Variants in MEGF11 observed in about 807,000 individuals in gnomAD.
The protein encoded by MEGF11 is multiple EGF like domains 11.
A neutral mutation model predicts 146.6 loss-of-function variants in MEGF11; 126 were observed. That is an observed-to-expected ratio of 0.86 (90% CI 0.74 to 1.00). MEGF11 has a LOEUF of 1.00. MEGF11 is among the 50% of genes least tolerant of loss of function. MEGF11 has a pLI of 0.00. For missense variants in MEGF11, 1,509 were observed against 1,521.2 expected, an observed-to-expected ratio of 0.99 and a Z score of 0.13; for synonymous variants, 532 against 583.4, an observed-to-expected ratio of 0.91 and a Z score of 1.27.
rs1489652806 is a variant in MEGF11, at chr15:65,922,301, AC to A, written c.1957+36del. The A allele has an allele frequency of 2.5e-6, 4 of 1,596,522 alleles. No homozygotes were observed. In the South Asian group the frequency reaches 4.6e-5, roughly 18 times the overall value. ...TGCCACTTTCCTCCCAGAACCTCTC[AC>A]CTCCCCACCCAGTACCTTCCCACTG... is the stretch of plus-strand genomic sequence containing the variant. On this transcript the variant is annotated intron_variant, in intron 15 of 25. Coordinates refer to ENST00000395614, the MANE Select transcript of MEGF11 (RefSeq NM_001385028.1).
intron 1 of MEGF11, among the ~76,000 whole-genome samples, chr15:66,179,695 T>C (rs1005033965): frequency 6.6e-6 from 1 of 152,120 alleles, no homozygotes; most frequent in African/African-American, 2.4e-5. Context: ...CAACCGGGTT[T>C]CAGGTTCCCA....
At chr15:66,106,958 G>A (rs764663667) in intron 4 of MEGF11, among the ~76,000 whole-genome samples, 1 of 152,130 alleles carries the variant, frequency 6.6e-6, no homozygotes, top group Non-Finnish European at 1.5e-5. Flanking sequence ...AGCAACTACA[G>A]GGTTAACAGC....
At position 65,965,321 on chromosome 15, in the gene MEGF11, T is replaced by G. The variant is rs926765122; in HGVS notation, c.900-201A>C. 8.0e-6 allele frequency: 4 copies of G among 501,032 alleles called. No homozygotes were observed. The East Asian group carries it at 1.3e-4, about 16-fold the overall frequency. The allele number at this position is 501,032 out of a possible 1,614,324, so 31.0% of individuals were successfully genotyped here. On this transcript the variant is annotated intron_variant, in intron 8 of 25. Coordinates refer to ENST00000395614, the MANE Select transcript of MEGF11 (RefSeq NM_001385028.1). ...TCGCCCCAGTCATTTCTGCCTTTCA[T>G]GCCAGGTCGGCTCAGTCCCCCCAGC...
At chr15:66,233,079 C>T (rs1205602475) in intron 1 of MEGF11, among the ~76,000 whole-genome samples, 1 of 152,186 alleles carries the variant, frequency 6.6e-6, no homozygotes, top group Non-Finnish European at 1.5e-5. Flanking sequence ...TTTTACACAG[C>T]ACTGTTACCC....
At chr15:66,121,119 T>G (rs1452532719) in intron 3 of MEGF11, among the ~76,000 whole-genome samples, 1 of 152,194 alleles carries the variant, frequency 6.6e-6, no homozygotes, top group African/African-American at 2.4e-5. Context: ...AAATAATTCA[T>G]GTTCTAGGAA....
intron 5 of MEGF11, among the ~76,000 whole-genome samples, chr15:66,015,246 T>G (rs1242848237): frequency 6.6e-6 from 1 of 152,216 alleles, no homozygotes; most frequent in Non-Finnish European, 1.5e-5. Flanking sequence ...GCAGTGGTCA[T>G]CAGCCAACTG....
At chr15:66,113,831 A>C (rs1424981318) in intron 4 of MEGF11, among the ~76,000 whole-genome samples, 2 of 151,948 alleles carry the variant, frequency 1.3e-5, no homozygotes, top group African/African-American at 4.8e-5. Flanking sequence ...CAGTGAGCCG[A>C]GATTGCACCA....
Position 65,909,775 on chromosome 15 carries a change from G to T in MEGF11, c.2861C>A (p.Ala954Glu), listed in dbSNP as rs1366521097. ...CACATAGCTGTAGGGGGTCCAGCCT[G>T]CTGTGTCTCTGTCAAGGGACTTGTT... ...LSNKSLDRDT[A>E]GWTPYSYVNV... The change falls in exon 22 of 26, where the codon GCA becomes GAA. Residue 954 changes from alanine (A) to glutamate (E), a missense_variant. Coordinates refer to ENST00000395614, the MANE Select transcript of MEGF11 (RefSeq NM_001385028.1). The T allele has an allele frequency of 1.9e-6, 3 of 1,585,464 alleles. No individual in the cohort carries two copies. In the South Asian group the frequency reaches 3.4e-5, roughly 18 times the overall value.
intron 5 of MEGF11, among the ~76,000 whole-genome samples, chr15:66,078,862 A>T (rs1327760667): frequency 3.3e-5 from 5 of 151,916 alleles, no homozygotes; most frequent in African/African-American, 1.2e-4. Context: ...TTATTTATTC[A>T]TTTTGTTCTC....
chr15:66,105,191 C>A (rs1046554469), intron 4 of MEGF11, among the ~76,000 whole-genome samples: 18 of 152,154 alleles, frequency 1.2e-4, no homozygotes, highest in African/African-American at 4.3e-4. Flanking sequence ...GCCACTCCTA[C>A]AAAGCCACAG....
rs566741567 is a variant in MEGF11 at position 66,170,966 on chromosome 15, C to T, written c.-8-42555G>A. ...GCCCCGGGGGACCACCAAAGGTGGACTTGATGGATGTGACGCCATGTCCTC... is the reference window on the plus strand; with the variant it reads ...GCCCCGGGGGACCACCAAAGGTGGATTTGATGGATGTGACGCCATGTCCTC... On this transcript the variant is annotated intron_variant, in intron 1 of 25. Transcript: ENST00000395614. Among the ~76,000 whole-genome samples the T allele has an allele frequency of 2.2e-3, 334 of 152,344 alleles. 1 individual carries two copies. The highest frequency in any genetic ancestry group is 6.8e-3 in the Middle Eastern group (2 of 294).
chr15:66,214,780 C>A (rs1567286664), intron 1 of MEGF11, among the ~76,000 whole-genome samples: 1 of 152,118 alleles, frequency 6.6e-6, no homozygotes, highest in African/African-American at 2.4e-5. Flanking sequence ...GGCACCCTTG[C>A]CACGCACAGG....
intron 15 of MEGF11, among the ~76,000 whole-genome samples, chr15:65,918,724 T>C (rs1280864046): frequency 6.6e-6 from 1 of 152,228 alleles, no homozygotes; most frequent in Non-Finnish European, 1.5e-5. Flanking sequence ...TTTGAGTCAC[T>C]TGGAGGATTT....
At chr15:65,912,048 G>C in intron 21 of MEGF11, 34 bp downstream of exon 21, 1 of 1,156,224 alleles carries the variant, frequency 8.6e-7, no homozygotes, top group Non-Finnish European at 1.1e-6. Flanking sequence ...TGAGAGGGCA[G>C]TGAGTGGGGG....
chr15:66,033,773 GATTT>G lies in MEGF11; in HGVS notation c.395-51289_395-51286del, dbSNP rs371359594. Reference sequence around the variant, plus strand: ...AATATAATTTTCCCTGTTGGTTTTGGATTTATTTATTTTTATTTTTTATTTTTAT... The same window carrying G: ...AATATAATTTTCCCTGTTGGTTTTGGATTTATTTTTATTTTTTATTTTTAT... On this transcript the variant is annotated intron_variant, in intron 5 of 25. Coordinates refer to ENST00000395614, the MANE Select transcript of MEGF11 (RefSeq NM_001385028.1). 3.7e-3 allele frequency among the ~76,000 whole-genome samples: 344 copies of G among 94,014 alleles called. 1 individual carries two copies. The highest frequency in any genetic ancestry group is 9.9e-3 in the African/African-American group (309 of 31,092). 61.7% of individuals were successfully genotyped at this position (94,014 alleles called of 152,430 possible). A position where few individuals can be genotyped will look rare whatever the true frequency, so the allele number is the denominator to read the frequency against.
intron 21 of MEGF11, among the ~76,000 whole-genome samples, chr15:65,910,285 A>G (rs904878493): frequency 1.3e-5 from 2 of 152,190 alleles, no homozygotes; most frequent in Admixed American, 1.3e-4. Context: ...AAGCTTCAGA[A>G]CAGAGTGTCT....
At chr15:66,061,577 G>T (rs185117573) in intron 5 of MEGF11, among the ~76,000 whole-genome samples, 1 of 151,690 alleles carries the variant, frequency 6.6e-6, no homozygotes, top group African/African-American at 2.4e-5. Context: ...TGTCATCAAC[G>T]TCTGGCTGGT....
intron 4 of MEGF11, among the ~76,000 whole-genome samples, chr15:66,106,350 A>T (rs780719915): frequency 5.9e-5 from 9 of 152,236 alleles, no homozygotes; most frequent in Non-Finnish European, 1.3e-4. Flanking sequence ...CATGCAGAAC[A>T]TACGGGTGCA....
In MEGF11 at chr15:66,107,065, A is replaced by C. The variant is rs868076060; in HGVS notation, c.301+12021T>G. Among the ~76,000 whole-genome samples, 383 of 107,412 alleles carry C rather than the reference A, an allele frequency of 3.6e-3. 3 individuals are homozygous for C. Among genetic ancestry groups the C allele is most frequent in the African/African-American group, 0.013 (355 of 27,570 alleles). 70.5% of individuals were successfully genotyped at this position (107,412 alleles called of 152,430 possible). On this transcript the variant is annotated intron_variant, in intron 4 of 25. Transcript: ENST00000395614. Reference sequence around the variant, plus strand: ...ATGTTTATATTCCTACCCCCCCACCAGGTATAGACAGGGAGGGGATGGTGG... The same window carrying C: ...ATGTTTATATTCCTACCCCCCCACCCGGTATAGACAGGGAGGGGATGGTGG...
Sources: gnomAD v4.1 joint callset for allele counts (sites outside exome capture counted in the v4.1 genomes callset) on GRCh38, gnomAD v4.1.1 for gene constraint, MANE v1.5 for transcripts, NCBI Gene and HGNC (gene_info 2026-07-23, HGNC 2026-07-21) for gene names.